KIRREL3: variants seen among roughly 807,000 people sequenced by gnomAD.
The protein encoded by KIRREL3 is kin of IRRE-like protein 3.
A neutral mutation model predicts 89.7 loss-of-function variants in KIRREL3; 36 were observed. The observed-to-expected ratio is 0.40, with a 90% CI of 0.31 to 0.53. KIRREL3 has a LOEUF of 0.53. Among genes scored for constraint, KIRREL3 ranks in the 20% least tolerant of loss-of-function variants. The probability of loss-of-function intolerance (pLI) is 0.49; values close to 1 mark genes in which losing one functional copy is unlikely to be tolerated. For missense variants in KIRREL3, 864 were observed against 1,056.6 expected, an observed-to-expected ratio of 0.82 and a Z score of 2.53; for synonymous variants, 445 against 441.4, an observed-to-expected ratio of 1.01 and a Z score of -0.10.
rs192197916 is a variant in KIRREL3 at position 126,750,433 on chromosome 11, C to G, written c.56-187521G>C. Among the ~76,000 whole-genome samples, 65 of 152,322 alleles carry G rather than the reference C, an allele frequency of 4.3e-4. No homozygotes were observed. In the South Asian group the frequency reaches 0.013, roughly 31 times the overall value. ...GTGAGGTTAGCCAGAGAGGAACACT[C>G]TTACCCTCTTTAGAAACAGAAGGGA... is the stretch of plus-strand genomic sequence containing the variant. On this transcript the variant is annotated intron_variant, in intron 1 of 16. Transcript: ENST00000525144. This position sits in a 1 kb window ranked among gnomAD's most constrained non-coding sequence, Gnocchi z 4.2.
At chr11:126,433,229 C>A (rs932448448) in intron 13 of KIRREL3, among the ~76,000 whole-genome samples, 2 of 152,214 alleles carry the variant, frequency 1.3e-5, no homozygotes, top group African/African-American at 4.8e-5. Context: ...AGACTGAGCC[C>A]CTCCCCAGCC....
At chr11:126,865,331 T>G (rs1321688864) in intron 1 of KIRREL3, among the ~76,000 whole-genome samples, 1 of 152,234 alleles carries the variant, frequency 6.6e-6, no homozygotes, top group Non-Finnish European at 1.5e-5. Flanking sequence ...TGTAGCTCAG[T>G]CTGATGTGCA....
chr11:126,650,104 C>A (rs972232685), intron 1 of KIRREL3, among the ~76,000 whole-genome samples: 1 of 152,218 alleles, frequency 6.6e-6, no homozygotes, highest in African/African-American at 2.4e-5. Flanking sequence ...ATGGCTGTAG[C>A]GGCTGGGATG....
rs1184704789 is a variant in KIRREL3, at chr11:126,424,071, G to T, written c.*509C>A. 6 of 166,670 alleles carry T rather than the reference G, an allele frequency of 3.6e-5. No homozygotes were observed. The highest frequency in any genetic ancestry group is 6.6e-5 in the Non-Finnish European group (5 of 75,636). The allele number at this position is 166,670 out of a possible 1,614,324, so 10.3% of individuals were successfully genotyped here. ...TGGCTTGTCAGCCTCCAGGGTATGG[G>T]CTATGAGCAGCAGTGGGGAGCCGGG... On this transcript the variant is annotated 3_prime_UTR_variant, in exon 17 of 17. Transcript: ENST00000525144.
intron 1 of KIRREL3, among the ~76,000 whole-genome samples, chr11:126,658,042 A>T (rs1224391776): frequency 1.3e-5 from 2 of 152,332 alleles, no homozygotes; most frequent in East Asian, 3.9e-4. Flanking sequence ...TGTCTGTCAC[A>T]GCTCTCCCAT....
At chr11:126,873,019 T>G (rs1209156888) in intron 1 of KIRREL3, among the ~76,000 whole-genome samples, 2 of 152,062 alleles carry the variant, frequency 1.3e-5, no homozygotes, top group East Asian at 1.9e-4. Context: ...ATTAACAAAT[T>G]CCCCCAGAAT....
At chr11:126,973,359 A>G (rs191775155) in intron 1 of KIRREL3, among the ~76,000 whole-genome samples, 24 of 152,324 alleles carry the variant, frequency 1.6e-4, no homozygotes, top group Admixed American at 9.2e-4. Context: ...TAAGGCATGC[A>G]TTCCTTCTCT....
rs952120378 is a variant in KIRREL3 at position 126,636,911 on chromosome 11, T to C, written c.56-73999A>G. Among the ~76,000 whole-genome samples the C allele has an allele frequency of 6.6e-6, 1 of 152,222 alleles. No individual in the cohort carries two copies. Among genetic ancestry groups the C allele is most frequent in the Non-Finnish European group, 1.5e-5 (1 of 68,040 alleles). Reference sequence around the variant, plus strand: ...TACAATGAAAGTAACACCTATATCATGGCATTACTGGAAGATAAAAAGAGA... The same window carrying C: ...TACAATGAAAGTAACACCTATATCACGGCATTACTGGAAGATAAAAAGAGA... On this transcript the variant is annotated intron_variant, in intron 1 of 16. Coordinates refer to ENST00000525144, the MANE Select transcript of KIRREL3 (RefSeq NM_032531.4). This position sits in a 1 kb window ranked among gnomAD's most constrained non-coding sequence, Gnocchi z 4.4.
At position 126,614,948 on chromosome 11, in the gene KIRREL3, A is replaced by T. The variant is rs550670384; in HGVS notation, c.56-52036T>A. 5.9e-5 allele frequency among the ~76,000 whole-genome samples: 9 copies of T among 151,920 alleles called. No individual in the cohort carries two copies. Among genetic ancestry groups the T allele is most frequent in the Non-Finnish European group, 1.3e-4 (9 of 67,976 alleles). ...TGTAGAGAGATAAGGTAGGCTTATTATTTTTCGAGTGGAACTGGGACTGTT... is the reference window on the plus strand; with the variant it reads ...TGTAGAGAGATAAGGTAGGCTTATTTTTTTTCGAGTGGAACTGGGACTGTT... On this transcript the variant is annotated intron_variant, in intron 1 of 16. Coordinates refer to ENST00000525144, the MANE Select transcript of KIRREL3 (RefSeq NM_032531.4). This position sits in a 1 kb window ranked among gnomAD's most constrained non-coding sequence, Gnocchi z 4.6.
chr11:126,827,839 A>C (rs1315600714), intron 1 of KIRREL3, among the ~76,000 whole-genome samples: 1 of 152,126 alleles, frequency 6.6e-6, no homozygotes. Context: ...TTTTATCTGA[A>C]CTACTCTGAA....
chr11:126,691,079 A>G (rs1946861318), intron 1 of KIRREL3, among the ~76,000 whole-genome samples: 1 of 152,246 alleles, frequency 6.6e-6, no homozygotes, highest in African/African-American at 2.4e-5. Flanking sequence ...GGAAATGCAT[A>G]TCAAGGGCAC....
In KIRREL3 at chr11:126,431,265, C is replaced by T. The variant is rs1174462358; in HGVS notation, c.1696+154G>A. 1.3e-6 allele frequency: 2 copies of T among 1,543,734 alleles called. No homozygotes were observed. Among genetic ancestry groups the T allele is most frequent in the Admixed American group, 2.0e-5 (1 of 50,876 alleles). On this transcript the variant is annotated intron_variant, in intron 14 of 16. Coordinates refer to ENST00000525144, the MANE Select transcript of KIRREL3 (RefSeq NM_032531.4). This position sits in a 1 kb window ranked among gnomAD's most constrained non-coding sequence, Gnocchi z 7.1. ...GCGCCATGTTGCCCAGGCTCACATA[C>T]ACCGATGCATCAGACCCACTCCCTG... is the stretch of plus-strand genomic sequence containing the variant.
chr11:126,797,571 T>C lies in KIRREL3; in HGVS notation c.55+202884A>G, dbSNP rs1026628370. ...CTAGAGTTTTATTAGTGGCTTACCA[T>C]GGCACTTAGTCCCAATCTACTCCAC... On this transcript the variant is annotated intron_variant, in intron 1 of 16. Transcript: ENST00000525144. The surrounding 1 kb of genome is among the most constrained non-coding windows in gnomAD (Gnocchi z 4.9). Among the ~76,000 whole-genome samples the C allele has an allele frequency of 6.6e-6, 1 of 152,118 alleles. No homozygotes were observed. Among genetic ancestry groups the C allele is most frequent in the Non-Finnish European group, 1.5e-5 (1 of 68,022 alleles).
chr11:126,518,930 C>T (rs1247773114), intron 4 of KIRREL3, among the ~76,000 whole-genome samples: 2 of 152,260 alleles, frequency 1.3e-5, no homozygotes, highest in African/African-American at 4.8e-5. Context: ...GAAGCACTGT[C>T]TTGCCTGGGG....
At position 126,575,977 on chromosome 11, in the gene KIRREL3, G is replaced by A. The variant is rs1941234563; in HGVS notation, c.56-13065C>T. Among the ~76,000 whole-genome samples the A allele has an allele frequency of 1.3e-5, 2 of 152,120 alleles. No homozygotes were observed. Among genetic ancestry groups the A allele is most frequent in the Admixed American group, 6.5e-5 (1 of 15,276 alleles). ...CCCTTATAGATGCGACCACGGTTTT[G>A]AATTTTTGCTCCAACCCTCCCAGAC... On this transcript the variant is annotated intron_variant, in intron 1 of 16. Coordinates refer to ENST00000525144, the MANE Select transcript of KIRREL3 (RefSeq NM_032531.4). The surrounding 1 kb of genome is among the most constrained non-coding windows in gnomAD (Gnocchi z 7.0).
At chr11:126,592,665 G>A (rs546930093) in intron 1 of KIRREL3, among the ~76,000 whole-genome samples, 1 of 152,204 alleles carries the variant, frequency 6.6e-6, no homozygotes, top group African/African-American at 2.4e-5. Context: ...AGCGCGCCTG[G>A]GGCCAGAGGG....
intron 1 of KIRREL3, among the ~76,000 whole-genome samples, chr11:126,956,164 T>C (rs1948916246): frequency 6.6e-6 from 1 of 152,172 alleles, no homozygotes; most frequent in African/African-American, 2.4e-5. Flanking sequence ...CATTCATTCA[T>C]TCGTTCACTT....
rs1224656738 is a variant in KIRREL3 at position 126,878,513 on chromosome 11, A to T, written c.55+121942T>A. Among the ~76,000 whole-genome samples the T allele has an allele frequency of 3.9e-5, 6 of 152,188 alleles. No individual in the cohort carries two copies. In the East Asian group the frequency reaches 9.6e-4, roughly 24 times the overall value. Reference sequence around the variant, plus strand: ...GAGCATGAAAGGACATGAAAAGTGCATTTTAACCCATATATAATTTTTTTC... The same window carrying T: ...GAGCATGAAAGGACATGAAAAGTGCTTTTTAACCCATATATAATTTTTTTC... On this transcript the variant is annotated intron_variant, in intron 1 of 16. Coordinates refer to ENST00000525144, the MANE Select transcript of KIRREL3 (RefSeq NM_032531.4).
intron 1 of KIRREL3, among the ~76,000 whole-genome samples, chr11:126,916,357 C>T (rs1000945835): frequency 2.0e-5 from 3 of 152,180 alleles, no homozygotes; most frequent in South Asian, 2.1e-4. Context: ...GAGCCCCATC[C>T]TCAAAGTGTC....
Sources: allele counts gnomAD v4.1 joint callset (sites outside exome capture counted in the v4.1 genomes callset), GRCh38; gene constraint gnomAD v4.1.1; non-coding constraint Gnocchi (gnomAD v3.1); transcripts MANE v1.5; gene names NCBI Gene and HGNC (gene_info 2026-07-23, HGNC 2026-07-21).